Variants in MGAM2 observed in about 807,000 individuals in gnomAD.
MGAM2 encodes probable maltase-glucoamylase 2.
A neutral mutation model predicts 96.1 loss-of-function variants in MGAM2; 98 were observed. The observed-to-expected ratio is 1.02, with a 90% CI of 0.87 to 1.21. The LOEUF (loss-of-function observed/expected upper bound fraction) is 1.21. Among genes scored for constraint, MGAM2 ranks in the 50% most tolerant of loss-of-function variants. MGAM2 has a pLI of 0.00. For missense variants in MGAM2, 2,055 were observed against 1,182.4 expected (o/e 1.74, Z -10.82); for synonymous variants, 749 against 414.8 (o/e 1.81, Z -9.79).
chr7:142,168,426 C>T (rs532204584), intron 26 of MGAM2, among the ~76,000 whole-genome samples: 12 of 152,234 alleles, frequency 7.9e-5, no homozygotes, highest in Admixed American at 3.3e-4. Flanking sequence ...CCCGCCTCCA[C>T]GCCCAGCTAA....
chr7:142,170,020 G>T, intron 26 of MGAM2, 55 bp from the exon 27 acceptor site: 1 of 656,576 alleles, frequency 1.5e-6, no homozygotes, highest in Non-Finnish European at 2.7e-6. Context: ...GGGGTGGCAT[G>T]AGGGGTTTTA....
At chr7:142,179,753 G>A (rs922415575) in intron 32 of MGAM2, among the ~76,000 whole-genome samples, 1 of 152,012 alleles carries the variant, frequency 6.6e-6, no homozygotes, top group African/African-American at 2.4e-5. Context: ...GTGCTCCTGG[G>A]TTTGGTTTGT....
At chr7:142,206,968 G>A (rs1254976241) in intron 45 of MGAM2, among the ~76,000 whole-genome samples, 1 of 152,258 alleles carries the variant, frequency 6.6e-6, no homozygotes, top group East Asian at 1.9e-4. Flanking sequence ...GTTTGCCCAG[G>A]TTGCATTTTC....
intron 13 of MGAM2, among the ~76,000 whole-genome samples, chr7:142,144,195 G>A (rs1218685578): frequency 1.3e-5 from 2 of 152,060 alleles, no homozygotes; most frequent in Admixed American, 1.3e-4. Flanking sequence ...ACTATTTGTA[G>A]CATTGATTCA....
In MGAM2 at chr7:142,162,005, G is replaced by A. The variant is rs1315437738; in HGVS notation, c.2484+1G>A. On this transcript the variant is annotated splice_donor_variant, in intron 23 of 47. Coordinates refer to ENST00000477922, the MANE Select transcript of MGAM2 (RefSeq NM_001293626.2). LOFTEE classifies it high-confidence loss of function. ...TCTATATGATTTCTCTGTTACCTCTGTAAGTATTTTGTTTGAGGAACACAC... is the reference window on the plus strand; with the variant it reads ...TCTATATGATTTCTCTGTTACCTCTATAAGTATTTTGTTTGAGGAACACAC... The A allele has an allele frequency of 4.3e-6, 3 of 690,008 alleles. No individual in the cohort carries two copies. The highest frequency in any genetic ancestry group is 5.3e-6 in the Non-Finnish European group (2 of 380,456). 42.7% of individuals were successfully genotyped at this position (690,008 alleles called of 1,614,324 possible).
intron 10 of MGAM2, among the ~76,000 whole-genome samples, chr7:142,139,506 A>G (rs2129079996): frequency 6.6e-6 from 1 of 151,962 alleles, no homozygotes; most frequent in East Asian, 1.9e-4. Flanking sequence ...TAAAAATACA[A>G]AAAAATTACC....
At chr7:142,112,988 G>A (rs1464706645) in intron 1 of MGAM2, among the ~76,000 whole-genome samples, 1 of 152,072 alleles carries the variant, frequency 6.6e-6, no homozygotes, top group East Asian at 1.9e-4. Context: ...ATTACCTGTA[G>A]GTCCTAGTTC....
At chr7:142,216,520 A>G (rs1008252901) in intron 46 of MGAM2, among the ~76,000 whole-genome samples, 5 of 152,166 alleles carry the variant, frequency 3.3e-5, no homozygotes, top group African/African-American at 9.7e-5. Context: ...GGGGATAACT[A>G]TTATCAGCGG....
intron 46 of MGAM2, among the ~76,000 whole-genome samples, chr7:142,215,458 T>TAA (rs61628665): frequency 5.9e-5 from 8 of 134,902 alleles, no homozygotes; most frequent in African/African-American, 1.4e-4. Flanking sequence ...AAAGTATAAT[T>TAA]AAAAAAAAAA....
Position 142,175,713 on chromosome 7 carries a change from A to G in MGAM2, c.3749A>G (p.Asn1250Ser), listed in dbSNP as rs1261169054. 1 of 702,874 alleles carries G rather than the reference A, an allele frequency of 1.4e-6. No homozygotes were observed. The highest frequency in any genetic ancestry group is 2.7e-5 in the East Asian group (1 of 37,252). The allele number at this position is 702,874 out of a possible 1,614,324, so 43.5% of individuals were successfully genotyped here. The change falls in exon 32 of 48, where the codon AAC (asparagine) becomes AGC (serine). Residue 1250 changes from asparagine (N) to serine (S), a missense_variant. Coordinates refer to ENST00000477922, the MANE Select transcript of MGAM2 (RefSeq NM_001293626.2). ...AAGCTGGATTTCACCCTCAGTGCCA[A>G]CTTTCAAAACCTCAGTCTTCTGATT... ...NRKLDFTLSANFQNLSLLIEQ... is the reference protein window; with the variant it reads ...NRKLDFTLSASFQNLSLLIEQ...
rs139831550 is a variant in MGAM2, at chr7:142,176,885, C to T, written c.3816+1105C>T. Among the ~76,000 whole-genome samples, 748 of 152,244 alleles carry T rather than the reference C, an allele frequency of 4.9e-3. 12 individuals are homozygous for T. The highest frequency in any genetic ancestry group is 0.035 in the Admixed American group (540 of 15,294). ...AACACCAATGCATTCTTTTTCTTCT[C>T]AACTGTCTTTGTAAAAATAGATTTC... is the stretch of plus-strand genomic sequence containing the variant. On this transcript the variant is annotated intron_variant, in intron 32 of 47. Transcript: ENST00000477922.
intron 3 of MGAM2, among the ~76,000 whole-genome samples, chr7:142,129,853 A>G (rs1248801507): frequency 2.5e-4 from 35 of 141,084 alleles, no homozygotes; most frequent in East Asian, 4.0e-4. Context: ...AAAAAAAAAA[A>G]AAAAAAAAAA....
At chr7:142,133,372 TA>T (rs1794965117) in intron 6 of MGAM2, among the ~76,000 whole-genome samples, 1 of 150,178 alleles carries the variant, frequency 6.7e-6, no homozygotes, top group South Asian at 2.1e-4. Flanking sequence ...TATTGTAAAA[TA>T]GGGGATTTTA....
chr7:142,185,089 C>T lies in MGAM2; in HGVS notation c.3937C>T (p.Leu1313=). 1 of 702,942 alleles carries T rather than the reference C, an allele frequency of 1.4e-6. No homozygotes were observed. Among genetic ancestry groups the T allele is most frequent in the Non-Finnish European group, 2.6e-6 (1 of 384,932 alleles). 43.5% of individuals were successfully genotyped at this position (702,942 alleles called of 1,614,324 possible). A position where few individuals can be genotyped will look rare whatever the true frequency, so the allele number is the denominator to read the frequency against. ...TCTTTTTCTCTAGGTTTGGCCAGAT[C>T]TGCCTAATGTAATTGTAGATGGATC... ...DIVWGKVWPD[L]PNVIVDGSLD... is the part of the protein sequence containing the mutation. Residue 1313 remains leucine (L), a synonymous_variant, in exon 34 of 48, where the codon CTG becomes TTG. Transcript: ENST00000477922.
At chr7:142,175,504 C>T in intron 31 of MGAM2, 148 bp from the exon 32 acceptor site, 1 of 581,440 alleles carries the variant, frequency 1.7e-6, no homozygotes, top group Non-Finnish European at 3.0e-6. Context: ...ATTGAAAAGT[C>T]AGCAGAGGGA....
chr7:142,191,308 C>T (rs182459868), intron 37 of MGAM2, among the ~76,000 whole-genome samples: 3 of 152,216 alleles, frequency 2.0e-5, no homozygotes, highest in African/African-American at 7.2e-5. Flanking sequence ...TATTCATTTA[C>T]TTACTTATTC....
chr7:142,132,480 T>C (rs1794919979), intron 6 of MGAM2, among the ~76,000 whole-genome samples: 1 of 138,910 alleles, frequency 7.2e-6, no homozygotes, highest in African/African-American at 2.7e-5. Context: ...AATTATAAAT[T>C]TCATAATTTA....
intron 32 of MGAM2, among the ~76,000 whole-genome samples, chr7:142,181,265 G>A (rs1356007861): frequency 1.3e-5 from 2 of 152,118 alleles, no homozygotes; most frequent in Non-Finnish European, 2.9e-5. Context: ...TGTATGTTGA[G>A]TATAGTTGAT....
intron 25 of MGAM2, among the ~76,000 whole-genome samples, chr7:142,166,677 C>A (rs1387420757): frequency 6.6e-6 from 1 of 152,134 alleles, no homozygotes; most frequent in Non-Finnish European, 1.5e-5. Context: ...GGGAGTAGAA[C>A]CCTGCCTGGA....
Sources: allele counts gnomAD v4.1 joint callset (sites outside exome capture counted in the v4.1 genomes callset), GRCh38; gene constraint gnomAD v4.1.1; transcripts MANE v1.5; gene names NCBI Gene and HGNC (gene_info 2026-07-23, HGNC 2026-07-21).